The following DGKB variants were observed in gnomAD, a reference collection of about 807,000 sequenced individuals.
DGKB encodes the protein 90 kDa diacylglycerol kinase.
DGKB carries 67 observed loss-of-function variants against 114.3 expected under a neutral mutation model. That is an observed-to-expected ratio of 0.59 (90% CI 0.48 to 0.72). The LOEUF is 0.72. Among genes scored for constraint, DGKB ranks in the 30% least tolerant of loss-of-function variants. DGKB has a pLI of 0.00. For missense variants in DGKB, 907 were observed against 975.2 expected, an observed-to-expected ratio of 0.93 and a Z score of 0.93; for synonymous variants, 398 against 323.1, an observed-to-expected ratio of 1.23 and a Z score of -2.49.
intron 20 of DGKB, among the ~76,000 whole-genome samples, chr7:14,531,407 C>T (rs1041384362): frequency 1.5e-4 from 23 of 151,324 alleles, no homozygotes; most frequent in Admixed American, 3.3e-4. Flanking sequence ...TTTCTATATA[C>T]TAGCAAGTAA....
At chr7:14,223,875 T>C (rs1790379117) in intron 23 of DGKB, among the ~76,000 whole-genome samples, 1 of 151,846 alleles carries the variant, frequency 6.6e-6, no homozygotes, top group South Asian at 2.1e-4. Flanking sequence ...TAGTTTTCTT[T>C]AAATTCACTT....
chr7:14,240,480 G>T lies in DGKB; in HGVS notation c.2123-62329C>A, dbSNP rs112719338. On this transcript the variant is annotated intron_variant, in intron 23 of 25. Transcript: ENST00000402815. ...TTTTATTTTGGCCTGTGCCATCCTG[G>T]ACTCACCTAAGAAACCTTAGTTCAT... Among the ~76,000 whole-genome samples the T allele has an allele frequency of 7.6e-3, 1,163 of 152,104 alleles. 7 individuals are homozygous for T. Among genetic ancestry groups the T allele is most frequent in the Non-Finnish European group, 0.012 (782 of 67,956 alleles).
chr7:14,634,567 A>G (rs1810380352), intron 13 of DGKB, among the ~76,000 whole-genome samples: 1 of 151,280 alleles, frequency 6.6e-6, no homozygotes, highest in Admixed American at 6.6e-5. Flanking sequence ...ATTTAACACA[A>G]TAACTTCCAG....
chr7:14,178,553 A>T (rs1243065727), intron 23 of DGKB, among the ~76,000 whole-genome samples: 1 of 152,172 alleles, frequency 6.6e-6, no homozygotes, highest in African/African-American at 2.4e-5. Context: ...AAATATGAGG[A>T]TATGCTGTCA....
Position 14,688,865 on chromosome 7 carries a change from TA to T in DGKB, c.712-3504del, listed in dbSNP as rs1822194290. Among the ~76,000 whole-genome samples, 5 of 54,740 alleles carry T rather than the reference TA, an allele frequency of 9.1e-5. No individual in the cohort carries two copies. In the Admixed American group the frequency reaches 9.6e-4, roughly 11 times the overall value. The allele number at this position is 54,740 out of a possible 152,430, so 35.9% of individuals were successfully genotyped here. ...TGATTCTAAAGTTTTAGTTTTTCCA[TA>T]AATAAAAATCTTTATCCTAGTGATT... is the stretch of plus-strand genomic sequence containing the variant. On this transcript the variant is annotated intron_variant, in intron 9 of 25. Transcript: ENST00000402815.
intron 21 of DGKB, among the ~76,000 whole-genome samples, chr7:14,345,964 A>G (rs1370365033): frequency 1.3e-5 from 2 of 151,418 alleles, no homozygotes; most frequent in Non-Finnish European, 3.0e-5. Flanking sequence ...TAACTTTACA[A>G]AGGTCAAATA....
At chr7:14,858,834 A>T (rs1850555645) in intron 1 of DGKB, among the ~76,000 whole-genome samples, 2 of 152,180 alleles carry the variant, frequency 1.3e-5, no homozygotes, top group Admixed American at 6.6e-5. Flanking sequence ...TATTCTAACC[A>T]AACATTTATT....
intron 1 of DGKB, among the ~76,000 whole-genome samples, chr7:14,915,457 G>T (rs190566713): frequency 7.2e-5 from 11 of 152,102 alleles, no homozygotes; most frequent in African/African-American, 2.7e-4. Flanking sequence ...AATGGCAGAC[G>T]CTAAACCACA....
chr7:14,862,402 T>C (rs1851115406), intron 1 of DGKB, among the ~76,000 whole-genome samples: 7 of 152,090 alleles, frequency 4.6e-5, no homozygotes, highest in Admixed American at 4.6e-4. Context: ...CAATAGCTGC[T>C]AATGATTTTT....
intron 2 of DGKB, among the ~76,000 whole-genome samples, chr7:14,786,103 T>C (rs531176530): frequency 6.0e-4 from 91 of 152,064 alleles, no homozygotes; most frequent in African/African-American, 2.1e-3. Flanking sequence ...ACAAACTTCA[T>C]AGGAATCAAA....
chr7:14,838,627 T>G lies in DGKB; in HGVS notation c.70+2567A>C, dbSNP rs149676213. Among the ~76,000 whole-genome samples, 3 of 152,236 alleles carry G rather than the reference T, an allele frequency of 2.0e-5. No homozygotes were observed. The East Asian group carries it at 5.8e-4, about 29-fold the overall frequency. On this transcript the variant is annotated intron_variant, in intron 2 of 25. Coordinates refer to ENST00000402815, the MANE Select transcript of DGKB (RefSeq NM_001350709.2). The stretch of plus-strand genomic sequence containing the variant: ...AATATTATAAAATCTGAATCCCCAC[T>G]TTTCCAGTCGTCTTTCATGATCTAC...
intron 1 of DGKB, among the ~76,000 whole-genome samples, chr7:14,968,977 C>T (rs541862806): frequency 1.3e-5 from 2 of 152,068 alleles, no homozygotes; most frequent in African/African-American, 4.8e-5. Context: ...TTCACTTTTG[C>T]AGAATTCATC....
intron 13 of DGKB, among the ~76,000 whole-genome samples, chr7:14,650,810 G>A (rs973870454): frequency 5.5e-5 from 8 of 146,374 alleles, no homozygotes; most frequent in Admixed American, 2.1e-4. Context: ...AATGATAAAG[G>A]GGATATCACC....
Position 14,543,810 on chromosome 7 carries a change from G to T in DGKB, c.1770+30402C>A, listed in dbSNP as rs1352048967. Among the ~76,000 whole-genome samples, 3 of 152,282 alleles carry T rather than the reference G, an allele frequency of 2.0e-5. No homozygotes were observed. In the East Asian group the frequency reaches 5.8e-4, roughly 29 times the overall value. ...GTACTGATTGGTTATAATTCTTACA[G>T]AGAAAGCTCCAAAAATCTTTTCCAG... is the stretch of plus-strand genomic sequence containing the variant. On this transcript the variant is annotated intron_variant, in intron 20 of 25. Transcript: ENST00000402815.
chr7:14,417,631 T>A (rs1354677457), intron 21 of DGKB, among the ~76,000 whole-genome samples: 1 of 151,938 alleles, frequency 6.6e-6, no homozygotes, highest in Non-Finnish European at 1.5e-5. Flanking sequence ...TGCAGCTCAA[T>A]TTTGGTTAAG....
At chr7:14,174,833 T>C (rs1278003375) in intron 25 of DGKB, among the ~76,000 whole-genome samples, 1 of 152,144 alleles carries the variant, frequency 6.6e-6, no homozygotes, top group East Asian at 1.9e-4. Flanking sequence ...TTAACATCCA[T>C]GTGAATAGAA....
At chr7:14,832,579 G>C (rs769965303) in intron 2 of DGKB, among the ~76,000 whole-genome samples, 1 of 152,056 alleles carries the variant, frequency 6.6e-6, no homozygotes, top group African/African-American at 2.4e-5. Context: ...GACTCGGGAT[G>C]CGTTTTGGTT....
intron 23 of DGKB, 80 bp downstream of exon 23, chr7:14,338,435 A>G (rs2128575053): frequency 1.2e-6 from 1 of 815,814 alleles, no homozygotes; most frequent in South Asian, 2.5e-5. Flanking sequence ...TTATAGTGCA[A>G]CGGAAGACTC....
At chr7:14,717,622 A>C (rs926779158) in intron 6 of DGKB, among the ~76,000 whole-genome samples, 1 of 152,296 alleles carries the variant, frequency 6.6e-6, no homozygotes, top group African/African-American at 2.4e-5. Context: ...TACTAAATTT[A>C]ACTAAAAATG....
Sources: allele counts gnomAD v4.1 joint callset (sites outside exome capture counted in the v4.1 genomes callset), GRCh38; gene constraint gnomAD v4.1.1; transcripts MANE v1.5; gene names NCBI Gene and HGNC (gene_info 2026-07-23, HGNC 2026-07-21).